CRACD: variants seen among roughly 807,000 people sequenced by gnomAD.
CRACD encodes the protein capping protein-inhibiting regulator of actin dynamics.
In CRACD, 56 loss-of-function variants were observed where a neutral mutation model predicts 106.8. The ratio of observed to expected loss-of-function variants is 0.52; its 90% CI spans 0.42 to 0.66. CRACD has a LOEUF of 0.66. Among genes scored for constraint, CRACD ranks in the 30% least tolerant of loss-of-function variants. The pLI, the probability that CRACD is intolerant of heterozygous loss-of-function variation, is 0.00. For synonymous variants in CRACD, 754 were observed against 670.8 expected (o/e 1.12, Z -1.92); for missense variants, 1,730 against 1,623.2 (o/e 1.07, Z -1.13).
In CRACD at chr4:56,330,281, G is replaced by C. The variant is rs1443443244; in HGVS notation, c.*2477G>C. Among the ~76,000 whole-genome samples the C allele has an allele frequency of 6.6e-6, 1 of 151,504 alleles. No individual in the cohort carries two copies. The highest frequency in any genetic ancestry group is 6.6e-5 in the Admixed American group (1 of 15,220). On this transcript the variant is annotated 3_prime_UTR_variant, in exon 11 of 11. Transcript: ENST00000682029. ...GTTCATAGACTTATATATAAAACTAGAGGGTTTTTTGTTTACTTTTTTAAT... is the reference window on the plus strand; with the variant it reads ...GTTCATAGACTTATATATAAAACTACAGGGTTTTTTGTTTACTTTTTTAAT...
chr4:56,305,436 G>T (rs901000473), intron 4 of CRACD, among the ~76,000 whole-genome samples: 2 of 152,104 alleles, frequency 1.3e-5, no homozygotes, highest in Non-Finnish European at 2.9e-5. Flanking sequence ...AAGGCTGCAG[G>T]GTGAAATGGG....
At chr4:56,302,267 A>G (rs1159402414) in intron 4 of CRACD, among the ~76,000 whole-genome samples, 2 of 152,148 alleles carry the variant, frequency 1.3e-5, no homozygotes, top group Non-Finnish European at 2.9e-5. Flanking sequence ...TGACCTTGAC[A>G]TTCCCTACAG....
At chr4:56,283,311 C>T (rs1743138507) in intron 3 of CRACD, among the ~76,000 whole-genome samples, 1 of 152,142 alleles carries the variant, frequency 6.6e-6, no homozygotes, top group African/African-American at 2.4e-5. Flanking sequence ...AGAGAGAATC[C>T]AGACGCAGAC....
chr4:56,294,743 A>G (rs1211062268), intron 3 of CRACD, among the ~76,000 whole-genome samples: 1 of 151,928 alleles, frequency 6.6e-6, no homozygotes, highest in Non-Finnish European at 1.5e-5. Context: ...GCAAAACCCC[A>G]TCTCTACCAA....
At chr4:56,148,173 T>A (rs965453934) in intron 1 of CRACD, among the ~76,000 whole-genome samples, 3 of 152,162 alleles carry the variant, frequency 2.0e-5, no homozygotes, top group Non-Finnish European at 4.4e-5. Context: ...AGACATCCAG[T>A]CTGTCTGAGG....
chr4:56,299,342 A>G (rs538472678), intron 4 of CRACD, among the ~76,000 whole-genome samples: 1 of 152,264 alleles, frequency 6.6e-6, no homozygotes, highest in East Asian at 1.9e-4. Flanking sequence ...TTAGAGCCTG[A>G]CTATGAGGTC....
intron 3 of CRACD, among the ~76,000 whole-genome samples, chr4:56,290,963 A>G (rs543789794): frequency 2.0e-5 from 3 of 152,224 alleles, no homozygotes; most frequent in Non-Finnish European, 2.9e-5. Context: ...GGCTTTTACC[A>G]TGCGTGCTTT....
intron 2 of CRACD, among the ~76,000 whole-genome samples, chr4:56,186,377 C>T (rs1019925276): frequency 1.3e-5 from 2 of 152,152 alleles, no homozygotes; most frequent in Non-Finnish European, 2.9e-5. Flanking sequence ...CAAACGATGA[C>T]TTGTCTCCAT....
rs769467020 is a variant in CRACD, at chr4:56,315,235, C to T, written c.1733C>T (p.Ala578Val). The T allele has an allele frequency of 1.3e-6, 2 of 1,597,702 alleles. No homozygotes were observed. The highest frequency in any genetic ancestry group is 1.8e-5 in the Admixed American group (1 of 56,980). Residue 578 changes from alanine to valine, a missense_variant, in exon 8 of 11, where the codon GCC (alanine) becomes GTC (valine). By Grantham distance (64) the Ala-to-Val change is moderately conservative. This residue lies in a region of CRACD where 1,620 missense variants were observed against 1,481.6 expected (regional missense o/e 1.09). Coordinates refer to ENST00000682029, the MANE Select transcript of CRACD (RefSeq NM_001393381.1). This position sits in a 1 kb window ranked among gnomAD's most constrained non-coding sequence, Gnocchi z 4.1. ...AAPQEPKAPK[A>V]SPVQHALPSS... ...CCCCAGGAACCAAAGGCCCCCAAAGCCAGCCCAGTCCAGCACGCCCTACCG... is the reference window on the plus strand; with the variant it reads ...CCCCAGGAACCAAAGGCCCCCAAAGTCAGCCCAGTCCAGCACGCCCTACCG...
chr4:56,096,936 A>G (rs1733618213), intron 1 of CRACD, among the ~76,000 whole-genome samples: 1 of 152,220 alleles, frequency 6.6e-6, no homozygotes. Context: ...TTTTTTAAAG[A>G]TGGAAAACAA....
At chr4:56,172,122 T>G (rs1490288260) in intron 1 of CRACD, among the ~76,000 whole-genome samples, 1 of 150,128 alleles carries the variant, frequency 6.7e-6, no homozygotes, top group African/African-American at 2.4e-5. Context: ...AGTATCCTTC[T>G]GTTAGTTGGG....
intron 3 of CRACD, among the ~76,000 whole-genome samples, chr4:56,281,731 A>G (rs1482593848): frequency 6.6e-6 from 1 of 152,160 alleles, no homozygotes; most frequent in Non-Finnish European, 1.5e-5. Flanking sequence ...CTTTCTCCAC[A>G]TGGGGAAACG....
chr4:56,309,332 G>A (rs943698110), intron 5 of CRACD, among the ~76,000 whole-genome samples: 1 of 152,226 alleles, frequency 6.6e-6, no homozygotes, highest in South Asian at 2.1e-4. Flanking sequence ...TAAGTGTGGT[G>A]TGGAGAACAG....
chr4:56,326,594 A>G (rs192565797), intron 10 of CRACD, among the ~76,000 whole-genome samples: 7 of 152,290 alleles, frequency 4.6e-5, no homozygotes, highest in African/African-American at 1.7e-4. Context: ...TAAGACAAGC[A>G]CCCTCTCACA....
At chr4:56,261,096 G>A (rs374226901) in intron 2 of CRACD, among the ~76,000 whole-genome samples, 29 of 152,228 alleles carry the variant, frequency 1.9e-4, no homozygotes, top group East Asian at 1.7e-3. Context: ...AATGTGTTCA[G>A]CCTTTGTGTA....
At chr4:56,281,142 C>T (rs1743015618) in intron 3 of CRACD, among the ~76,000 whole-genome samples, 1 of 152,116 alleles carries the variant, frequency 6.6e-6, no homozygotes, top group South Asian at 2.1e-4. Context: ...GGAACCAGGC[C>T]GCACAGCAGG....
intron 6 of CRACD, among the ~76,000 whole-genome samples, chr4:56,311,967 TC>T (rs756336594): frequency 2.0e-5 from 3 of 152,114 alleles, no homozygotes; most frequent in Non-Finnish European, 2.9e-5. Flanking sequence ...AATCTACCCT[TC>T]ATCTGAGGTT....
At chr4:56,098,524 G>A (rs1334948650) in intron 1 of CRACD, among the ~76,000 whole-genome samples, 4 of 151,912 alleles carry the variant, frequency 2.6e-5, no homozygotes, top group Non-Finnish European at 5.9e-5. Flanking sequence ...GATGTACTCT[G>A]TAAGAGTAAT....
intron 3 of CRACD, among the ~76,000 whole-genome samples, chr4:56,287,722 A>T (rs1425019778): frequency 6.6e-6 from 1 of 152,092 alleles, no homozygotes; most frequent in Non-Finnish European, 1.5e-5. Context: ...CCTGGCCCTA[A>T]AGTCGTTGTT....
Sources: gnomAD v4.1 joint callset for allele counts (sites outside exome capture counted in the v4.1 genomes callset) on GRCh38, gnomAD v4.1.1 for gene constraint, gnomAD v4.1.1 regional missense constraint, Gnocchi (gnomAD v3.1) non-coding constraint, MANE v1.5 for transcripts, NCBI Gene and HGNC (gene_info 2026-07-23, HGNC 2026-07-21) for gene names.